Variants in HHIP observed in about 807,000 individuals in gnomAD.
HHIP encodes the protein hedgehog interacting protein.
Under a neutral mutation model 74.0 loss-of-function variants are expected in HHIP, and 12 were observed. The observed-to-expected ratio is 0.16, with a 90% CI of 0.10 to 0.26. The LOEUF is 0.26. Among genes scored for constraint, HHIP ranks in the 10% least tolerant of loss-of-function variants. HHIP has a pLI of 1.00. For synonymous variants in HHIP, 309 were observed against 311.6 expected (o/e 0.99, Z 0.09); for missense variants, 788 against 845.0 (o/e 0.93, Z 0.84).
chr4:144,646,485 C>T lies in HHIP; in HGVS notation c.-191C>T, dbSNP rs778861123. The T allele has an allele frequency of 1.7e-6, 1 of 588,440 alleles. No individual in the cohort carries two copies. Among genetic ancestry groups the T allele is most frequent in the Non-Finnish European group, 3.0e-6 (1 of 333,484 alleles). The allele number at this position is 588,440 out of a possible 1,614,324, so 36.5% of individuals were successfully genotyped here. On this transcript the variant is annotated 5_prime_UTR_variant, in exon 1 of 13. Coordinates refer to ENST00000296575, the MANE Select transcript of HHIP (RefSeq NM_022475.3). The stretch of plus-strand genomic sequence containing the variant: ...CTCGGGCTCCCCTAAGGCATTGGAC[C>T]CATCGCCGCGTCTTTTATTTTTTGC...
chr4:144,733,636 T>C (rs1287749968), intron 11 of HHIP, among the ~76,000 whole-genome samples: 2 of 152,240 alleles, frequency 1.3e-5, no homozygotes, highest in Non-Finnish European at 2.9e-5. Flanking sequence ...TTTATGGTAC[T>C]TAAGGTGTCC....
chr4:144,714,449 T>C, intron 9 of HHIP, 101 bp downstream of exon 9: 1 of 1,176,894 alleles, frequency 8.5e-7, no homozygotes, highest in Non-Finnish European at 1.2e-6. Flanking sequence ...TCTCTTTTTG[T>C]GCATCAGATG....
chr4:144,665,052 A>T (rs1728822866), intron 4 of HHIP, among the ~76,000 whole-genome samples: 1 of 152,174 alleles, frequency 6.6e-6, no homozygotes, highest in Non-Finnish European at 1.5e-5. Context: ...TTGCAAATAA[A>T]GATGTTTTTA....
chr4:144,669,037 T>C (rs969267886), intron 4 of HHIP, among the ~76,000 whole-genome samples: 3 of 150,706 alleles, frequency 2.0e-5, no homozygotes, highest in African/African-American at 7.3e-5. Flanking sequence ...AATATTTATA[T>C]GCAATAAGTA....
At chr4:144,712,759 G>A (rs1271493140) in intron 8 of HHIP, among the ~76,000 whole-genome samples, 1 of 152,016 alleles carries the variant, frequency 6.6e-6, no homozygotes, top group Non-Finnish European at 1.5e-5. Context: ...AGGAAACACA[G>A]TAGATTAAGA....
chr4:144,681,544 C>T (rs1015563184), intron 4 of HHIP, among the ~76,000 whole-genome samples: 1 of 151,654 alleles, frequency 6.6e-6, no homozygotes, highest in African/African-American at 2.4e-5. Flanking sequence ...CCTGCCTCAG[C>T]CTCCCGAGTA....
At chr4:144,652,508 T>G (rs1728450306) in intron 1 of HHIP, 97 bp from the exon 2 acceptor site, 3 of 736,920 alleles carry the variant, frequency 4.1e-6, no homozygotes, top group Non-Finnish European at 6.9e-6. Flanking sequence ...TTGGCTAAAT[T>G]AGACTTTTCT....
intron 4 of HHIP, among the ~76,000 whole-genome samples, chr4:144,690,068 A>C (rs1729603565): frequency 6.6e-6 from 1 of 152,224 alleles, no homozygotes; most frequent in Non-Finnish European, 1.5e-5. Context: ...TTGGCCTCCC[A>C]AAGTACTGGG....
chr4:144,651,753 C>T (rs1344171692), intron 1 of HHIP, among the ~76,000 whole-genome samples: 1 of 128,294 alleles, frequency 7.8e-6, no homozygotes, highest in Non-Finnish European at 1.8e-5. Flanking sequence ...TGCTAAACAA[C>T]AAGACCTATC....
intron 4 of HHIP, 23 bp downstream of exon 4, chr4:144,659,861 A>C (rs1728663075): frequency 6.5e-7 from 1 of 1,547,644 alleles, no homozygotes; most frequent in Admixed American, 1.7e-5. Context: ...AATTTTATTT[A>C]TTTTTGTGCT....
At chr4:144,647,056 C>T in intron 1 of HHIP, 102 bp downstream of exon 1, 1 of 994,776 alleles carries the variant, frequency 1.0e-6, no homozygotes, top group Non-Finnish European at 1.5e-6. Flanking sequence ...GTCAAAACTT[C>T]TTTGGGGGAG....
chr4:144,704,980 T>C (rs1295727624), intron 4 of HHIP, among the ~76,000 whole-genome samples: 2 of 152,246 alleles, frequency 1.3e-5, no homozygotes, highest in African/African-American at 4.8e-5. Context: ...AGAGAGTCAT[T>C]CATATATCGG....
intron 6 of HHIP, among the ~76,000 whole-genome samples, chr4:144,707,657 A>AAAAAAAAAAAAAAAAC (rs1161276484): frequency 2.6e-5 from 4 of 151,316 alleles, no homozygotes; most frequent in Non-Finnish European, 5.9e-5. Flanking sequence ...AAAAAAAAAA[A>AAAAAAAAAAAAAAAAC]AGCAGTGTAC....
At chr4:144,665,178 C>T (rs1728827144) in intron 4 of HHIP, among the ~76,000 whole-genome samples, 1 of 152,108 alleles carries the variant, frequency 6.6e-6, no homozygotes, top group African/African-American at 2.4e-5. Context: ...AAGAGATTCT[C>T]CTGCCTCAGC....
rs1221468802 is a variant in HHIP at position 144,725,809 on chromosome 4, C to A, written c.1760+6853C>A. 2.0e-5 allele frequency among the ~76,000 whole-genome samples: 3 copies of A among 152,028 alleles called. No homozygotes were observed. The East Asian group carries it at 5.8e-4, about 30-fold the overall frequency. On this transcript the variant is annotated intron_variant, in intron 11 of 12. Coordinates refer to ENST00000296575, the MANE Select transcript of HHIP (RefSeq NM_022475.3). ...TCAGCCTCCCAAGTAGCTGGGATTA[C>A]AGGTGCACACTACCAAACCCGGCTA... is the stretch of plus-strand genomic sequence containing the variant.
At chr4:144,673,376 G>A (rs568472194) in intron 4 of HHIP, among the ~76,000 whole-genome samples, 2 of 152,310 alleles carry the variant, frequency 1.3e-5, no homozygotes, top group East Asian at 3.9e-4. Flanking sequence ...GATATTTCAT[G>A]GGTTCTGGTG....
chr4:144,718,835 C>A, intron 10 of HHIP, 40 bp from the exon 11 acceptor site: 3 of 1,199,014 alleles, frequency 2.5e-6, no homozygotes, highest in Non-Finnish European at 3.7e-6. Flanking sequence ...AGGACCTCTA[C>A]TGCTATAAAT....
At chr4:144,659,572 G>A in intron 3 of HHIP, 65 bp from the exon 4 acceptor site, 2 of 1,057,620 alleles carry the variant, frequency 1.9e-6, no homozygotes, top group Non-Finnish European at 2.6e-6. Flanking sequence ...TGAAAAGGAT[G>A]CCAAGTGCAT....
At position 144,738,566 on chromosome 4, in the gene HHIP, A is replaced by C; in HGVS notation, c.*609A>C. 1 of 832,444 alleles carries C rather than the reference A, an allele frequency of 1.2e-6. No individual in the cohort carries two copies. Among genetic ancestry groups the C allele is most frequent in the Non-Finnish European group, 1.4e-6 (1 of 690,342 alleles). The allele number at this position is 832,444 out of a possible 1,614,324, so 51.6% of individuals were successfully genotyped here. On this transcript the variant is annotated 3_prime_UTR_variant, in exon 13 of 13. Coordinates refer to ENST00000296575, the MANE Select transcript of HHIP (RefSeq NM_022475.3). ...ATCTGGTTATTTCATCTTAATCTCA[A>C]GATTGTTTTCAAGTGTTTTATAATT...
Sources: gnomAD v4.1 joint callset for allele counts (sites outside exome capture counted in the v4.1 genomes callset) on GRCh38, gnomAD v4.1.1 for gene constraint, MANE v1.5 for transcripts, NCBI Gene and HGNC (gene_info 2026-07-23, HGNC 2026-07-21) for gene names.